Variants in CYTH2 observed in about 807,000 individuals in gnomAD.
The protein encoded by CYTH2 is cytohesin-2.
Under a neutral mutation model 55.4 loss-of-function variants are expected in CYTH2, and 24 were observed. The observed-to-expected ratio is 0.43, with a 90% CI of 0.31 to 0.61. The LOEUF (loss-of-function observed/expected upper bound fraction) is 0.61, where lower values mean the gene tolerates loss of function less well. Among genes scored for constraint, CYTH2 ranks in the 20% least tolerant of loss-of-function variants. The pLI is 0.08. For synonymous variants in CYTH2, 221 were observed against 209.6 expected, an observed-to-expected ratio of 1.05 and a Z score of -0.47; for missense variants, 378 against 533.5, an observed-to-expected ratio of 0.71 and a Z score of 2.87.
intron 3 of CYTH2, among the ~76,000 whole-genome samples, chr19:48,471,843 A>G (rs1971803604): frequency 6.6e-6 from 1 of 152,156 alleles, no homozygotes; most frequent in African/African-American, 2.4e-5. Flanking sequence ...TGAAGCCAGG[A>G]ATTTGAGACC....
rs1971770879 is a variant in CYTH2 at position 48,470,483 on chromosome 19, G to C, written c.150G>C (p.Leu50=). ...AAGCCATGAGCGAGGTGGAGGGGCT[G>C]GAGGCCAATGAGGGCAGGTGAGGGC... ...LSEAMSEVEG[L]EANEGSKTLQ... Residue 50 remains leucine, a synonymous_variant, in exon 2 of 12, where the codon CTG becomes CTC. Transcript: ENST00000452733. 2 of 1,613,996 alleles carry C rather than the reference G, an allele frequency of 1.2e-6. No homozygotes were observed. The highest frequency in any genetic ancestry group is 8.5e-7 in the Non-Finnish European group (1 of 1,179,882).
rs1324458283 is a variant in CYTH2 at position 48,479,809 on chromosome 19, TG to T, written c.*600del. 1.3e-5 allele frequency: 2 copies of T among 151,174 alleles called. No homozygotes were observed. Among genetic ancestry groups the T allele is most frequent in the Non-Finnish European group, 2.9e-5 (2 of 67,866 alleles). The allele number at this position is 151,174 out of a possible 1,614,324, so 9.4% of individuals were successfully genotyped here. ...AGGACAACCTGGAGCTGGAAGAACA[TG>T]CGACCACCTCAGGGAGGGTCAGGGA... On this transcript the variant is annotated 3_prime_UTR_variant, in exon 12 of 12. Coordinates refer to ENST00000452733, the MANE Select transcript of CYTH2 (RefSeq NM_004228.7).
chr19:48,481,976 T>C lies in CYTH2; in HGVS notation c.*2766T>C, dbSNP rs567021699. On this transcript the variant is annotated 3_prime_UTR_variant, in exon 12 of 12. Transcript: ENST00000452733. ...CCTCATGGATAGATTAATGCCTGCCTTAAGGGGTGAGTGAGTGCTCACCCT... is the reference window on the plus strand; with the variant it reads ...CCTCATGGATAGATTAATGCCTGCCCTAAGGGGTGAGTGAGTGCTCACCCT... 1 of 152,384 alleles carries C rather than the reference T, an allele frequency of 6.6e-6. No individual in the cohort carries two copies. The highest frequency in any genetic ancestry group is 2.4e-5 in the African/African-American group (1 of 41,432). 9.4% of individuals were successfully genotyped at this position (152,384 alleles called of 1,614,324 possible).
At position 48,479,221 on chromosome 19, in the gene CYTH2, C is replaced by A; in HGVS notation, c.*11C>A. The A allele has an allele frequency of 6.2e-7, 1 of 1,613,866 alleles. No individual in the cohort carries two copies. The highest frequency in any genetic ancestry group is 1.1e-5 in the South Asian group (1 of 91,076). On this transcript the variant is annotated 3_prime_UTR_variant, in exon 12 of 12. Coordinates refer to ENST00000452733, the MANE Select transcript of CYTH2 (RefSeq NM_004228.7). ...CAGGAGCAGCCCTGACCCCCTGCCCCCAACTCCATTATTTATTACGGAGCT... is the reference window on the plus strand; with the variant it reads ...CAGGAGCAGCCCTGACCCCCTGCCCACAACTCCATTATTTATTACGGAGCT...
At chr19:48,478,228 G>A (rs1367405061) in intron 9 of CYTH2, 47 bp from the exon 10 acceptor site, 1 of 1,604,380 alleles carries the variant, frequency 6.2e-7, no homozygotes, top group Admixed American at 1.7e-5. Flanking sequence ...GAGGTGGGGT[G>A]GGGTGAGGAC....
At position 48,469,526 on chromosome 19, in the gene CYTH2, G is replaced by C. The variant is rs1971738263; in HGVS notation, c.19G>C (p.Glu7Gln). The change falls in exon 1 of 12, where the codon GAA (glutamate) becomes CAA (glutamine). Residue 7 changes from glutamate to glutamine, a missense_variant and splice_region_variant. Coordinates refer to ENST00000452733, the MANE Select transcript of CYTH2 (RefSeq NM_004228.7). MEDGVYEPPDLTPEERM... is the reference protein window; with the variant it reads MEDGVYQPPDLTPEERM... ...AGCCGCCATGGAGGACGGCGTCTAT[G>C]GTAGGTCGGGGAGGGGCGGGGTCGG... The C allele has an allele frequency of 7.5e-7, 1 of 1,331,266 alleles. No homozygotes were observed. The highest frequency in any genetic ancestry group is 9.7e-7 in the Non-Finnish European group (1 of 1,033,464). The allele number at this position is 1,331,266 out of a possible 1,614,324, so 82.5% of individuals were successfully genotyped here.
chr19:48,469,683 C>T lies in CYTH2; in HGVS notation c.19+157C>T, dbSNP rs1569086651. On this transcript the variant is annotated intron_variant, in intron 1 of 11. Transcript: ENST00000452733. ...TTTTGTTGGGCGCTGGACGGGCTTC[C>T]GGCGGGGCCCGAAAGCCGGGCGTTC... is the stretch of plus-strand genomic sequence containing the variant. 4.3e-6 allele frequency: 5 copies of T among 1,176,388 alleles called. No homozygotes were observed. In the South Asian group the frequency reaches 9.0e-5, roughly 21 times the overall value. The allele number at this position is 1,176,388 out of a possible 1,614,324, so 72.9% of individuals were successfully genotyped here. A position where few individuals can be genotyped will look rare whatever the true frequency, so the allele number is the denominator to read the frequency against.
rs761248831 is a variant in CYTH2, at chr19:48,474,795, G to A, written c.697-43G>A. On this transcript the variant is annotated intron_variant, in intron 7 of 11. Transcript: ENST00000452733. This position sits in a 1 kb window ranked among gnomAD's most constrained non-coding sequence, Gnocchi z 4.9. Reference sequence around the variant, plus strand: ...CCCCCACCCTGAGTAACCCTGGGGGGCCCCAGGGGGCTCGAATGGCTAATG... The same window carrying A: ...CCCCCACCCTGAGTAACCCTGGGGGACCCCAGGGGGCTCGAATGGCTAATG... 1.8e-5 allele frequency: 29 copies of A among 1,594,024 alleles called. No homozygotes were observed. The highest frequency in any genetic ancestry group is 2.2e-5 in the East Asian group (1 of 44,698).
rs976441510 is a variant in CYTH2 at position 48,482,154 on chromosome 19, A to C, written c.*2944A>C. ...AGTGAGTGCACCTGCCCAGTCTTGA[A>C]CCTTCCAGCCATCAGAATCTGAGCC... On this transcript the variant is annotated 3_prime_UTR_variant, in exon 12 of 12. Transcript: ENST00000452733. 2.0e-5 allele frequency: 3 copies of C among 152,100 alleles called. No homozygotes were observed. The highest frequency in any genetic ancestry group is 7.3e-5 in the African/African-American group (3 of 41,348). The allele number at this position is 152,100 out of a possible 1,614,324, so 9.4% of individuals were successfully genotyped here. A position where few individuals can be genotyped will look rare whatever the true frequency, so the allele number is the denominator to read the frequency against.
rs1166953880 is a variant in CYTH2, at chr19:48,479,971, A to G, written c.*761A>G. The G allele has an allele frequency of 6.6e-6, 1 of 152,404 alleles. No individual in the cohort carries two copies. The highest frequency in any genetic ancestry group is 2.4e-5 in the African/African-American group (1 of 41,462). 9.4% of individuals were successfully genotyped at this position (152,404 alleles called of 1,614,324 possible). A position where few individuals can be genotyped will look rare whatever the true frequency, so the allele number is the denominator to read the frequency against. On this transcript the variant is annotated 3_prime_UTR_variant, in exon 12 of 12. Coordinates refer to ENST00000452733, the MANE Select transcript of CYTH2 (RefSeq NM_004228.7). ...CAGAGCCAGGCTTGTCTGTTCTCAA[A>G]GGATCAGCCTCCTTTGGAGGACATT...
intron 4 of CYTH2, 119 bp from the exon 5 acceptor site, chr19:48,473,179 C>A: frequency 9.1e-7 from 1 of 1,099,218 alleles, no homozygotes; most frequent in Non-Finnish European, 1.4e-6. Flanking sequence ...GAAACTTCAC[C>A]CTCGGCAGTG....
At chr19:48,476,177 C>A in intron 8 of CYTH2, 1 of 301,492 alleles carries the variant, frequency 3.3e-6, no homozygotes. Flanking sequence ...GGGGCCCACC[C>A]CTGTAATTTC....
rs1350262503 is a variant in CYTH2, at chr19:48,470,603, T to G, written c.168T>G (p.Ser56Arg). 1.2e-6 allele frequency: 2 copies of G among 1,614,196 alleles called. No individual in the cohort carries two copies. The highest frequency in any genetic ancestry group is 3.3e-5 in the Admixed American group (2 of 60,028). ...EVEGLEANEG[S>R]KTLQRNRKMA... Reference sequence around the variant, plus strand: ...CCAACCCTGCTCTCTGCTCCTGCAGTAAGACCTTGCAACGGAACCGGAAGA... The same window carrying G: ...CCAACCCTGCTCTCTGCTCCTGCAGGAAGACCTTGCAACGGAACCGGAAGA... The change falls in exon 3 of 12, where the codon AGT becomes AGG. Residue 56 changes from serine to arginine, a missense_variant and splice_region_variant. Transcript: ENST00000452733.
rs1971870325 is a variant in CYTH2, at chr19:48,474,530, AT to A, written c.696+204del. Among the ~76,000 whole-genome samples, 2 of 151,704 alleles carry A rather than the reference AT, an allele frequency of 1.3e-5. No homozygotes were observed. The highest frequency in any genetic ancestry group is 4.2e-4 in the South Asian group (2 of 4,800). ...TCTCTCTCAGGCTTTGGCCCTGACA[AT>A]TTTGGCCTGTCTGTCTTCTCTGTCT... On this transcript the variant is annotated intron_variant, in intron 7 of 11. Coordinates refer to ENST00000452733, the MANE Select transcript of CYTH2 (RefSeq NM_004228.7). This position sits in a 1 kb window ranked among gnomAD's most constrained non-coding sequence, Gnocchi z 4.9.
Position 48,479,463 on chromosome 19 carries a change from G to C in CYTH2, c.*253G>C. 2 of 506,622 alleles carry C rather than the reference G, an allele frequency of 3.9e-6. No homozygotes were observed. The highest frequency in any genetic ancestry group is 4.7e-5 in the South Asian group (2 of 42,606). The allele number at this position is 506,622 out of a possible 1,614,324, so 31.4% of individuals were successfully genotyped here. ...GGAGCCAGCCTGTTTCCCTGGACAG[G>C]GGCCTGGACCCGCCTGTCTCTGGGT... On this transcript the variant is annotated 3_prime_UTR_variant, in exon 12 of 12. Transcript: ENST00000452733.
rs887658349 is a variant in CYTH2, at chr19:48,473,935, A to G, written c.465A>G (p.Gly155=). 1 of 1,613,290 alleles carries G rather than the reference A, an allele frequency of 6.2e-7. No homozygotes were observed. The highest frequency in any genetic ancestry group is 1.3e-5 in the African/African-American group (1 of 74,866). The change falls in exon 6 of 12, where the codon GGA becomes GGG. Residue 155 remains glycine, a synonymous_variant. Coordinates refer to ENST00000452733, the MANE Select transcript of CYTH2 (RefSeq NM_004228.7). The part of the protein sequence containing the change: ...RQFLWSFRLP[G]EAQKIDRMME... ...TTCTATGGAGCTTTCGCCTACCCGG[A>G]GAGGCCCAGAAAATTGACCGGATGA...
rs1275225378 is a variant in CYTH2, at chr19:48,479,158, T to G, written c.1148T>G (p.Leu383Arg). 7.4e-6 allele frequency: 12 copies of G among 1,614,076 alleles called. No individual in the cohort carries two copies. Among genetic ancestry groups the G allele is most frequent in the South Asian group, 1.1e-5 (1 of 91,088 alleles). The change falls in exon 12 of 12, where the codon CTG becomes CGG. Residue 383 changes from leucine to arginine, a missense_variant. Transcript: ENST00000452733. ...AGTGTGGACCCCTTCTATGAGATGCTGGCAGCGAGAAAGAAGCGGATTTCA... is the reference window on the plus strand; with the variant it reads ...AGTGTGGACCCCTTCTATGAGATGCGGGCAGCGAGAAAGAAGCGGATTTCA... ...AVSVDPFYEM[L>R]AARKKRISVK...
At chr19:48,472,496 C>T (rs1199187775) in intron 4 of CYTH2, 53 bp downstream of exon 4, 1 of 1,426,994 alleles carries the variant, frequency 7.0e-7, no homozygotes, top group Non-Finnish European at 9.7e-7. Context: ...CCCCCAGACC[C>T]AGCTCCTGCC....
chr19:48,478,574 AG>A lies in CYTH2; in HGVS notation c.1095del (p.Glu365AspfsTer10). 6.2e-7 allele frequency: 1 copy of A among 1,611,758 alleles called. No individual in the cohort carries two copies. Among genetic ancestry groups the A allele is most frequent in the Non-Finnish European group, 8.5e-7 (1 of 1,178,790 alleles). ...GCCCCCACGCAGGAGGAGAAGGACG[AG>A]TGGATCAAGTCCATCCAGTGAGCCT... ...ISAPTQEEKD[E>X]WIKSIQAAVS... On this transcript the variant is annotated frameshift_variant, in exon 11 of 12. Transcript: ENST00000452733. LOFTEE classifies it high-confidence loss of function.
Sources: allele counts gnomAD v4.1 joint callset (sites outside exome capture counted in the v4.1 genomes callset), GRCh38; gene constraint gnomAD v4.1.1; non-coding constraint Gnocchi (gnomAD v3.1); transcripts MANE v1.5; gene names NCBI Gene and HGNC (gene_info 2026-07-23, HGNC 2026-07-21).